LRIG1: variants seen among roughly 807,000 people sequenced by gnomAD.
LRIG1 encodes leucine-rich repeats and immunoglobulin-like domains protein 1.
LRIG1 carries 48 observed loss-of-function variants against 99.2 expected under a neutral mutation model. The ratio of observed to expected loss-of-function variants is 0.48; its 90% confidence interval spans 0.38 to 0.62. LRIG1 has a LOEUF of 0.62. Among genes scored for constraint, LRIG1 ranks in the 20% least tolerant of loss-of-function variants. The pLI, the probability that LRIG1 is intolerant of heterozygous loss-of-function variation, is 0.00. For synonymous variants in LRIG1, 772 were observed against 596.1 expected (o/e 1.29, Z -4.30); for missense variants, 1,646 against 1,434.4 (o/e 1.15, Z -2.38).
intron 3 of LRIG1, among the ~76,000 whole-genome samples, chr3:66,447,423 T>C (rs1703765114): frequency 6.6e-6 from 1 of 152,114 alleles, no homozygotes; most frequent in Non-Finnish European, 1.5e-5. Flanking sequence ...TTTTCAAGAT[T>C]AGAAGTAAAA....
chr3:66,451,740 T>G (rs1159927543), intron 2 of LRIG1, 107 bp from the exon 3 acceptor site: 1 of 766,170 alleles, frequency 1.3e-6, no homozygotes, highest in African/African-American at 1.8e-5. Context: ...ACAGTAAACC[T>G]ATATTCTAAT....
chr3:66,466,389 A>G (rs1048517869), intron 1 of LRIG1, among the ~76,000 whole-genome samples: 1 of 152,226 alleles, frequency 6.6e-6, no homozygotes, highest in African/African-American at 2.4e-5. Context: ...ATGTATGTAT[A>G]TACCACATTT....
intron 1 of LRIG1, among the ~76,000 whole-genome samples, chr3:66,485,208 C>G (rs1456085878): frequency 6.6e-6 from 1 of 151,638 alleles, no homozygotes; most frequent in South Asian, 2.1e-4. Context: ...ATAAATTCCA[C>G]CTTTCTCCTT....
intron 2 of LRIG1, among the ~76,000 whole-genome samples, chr3:66,458,883 T>C (rs1700290174): frequency 1.3e-5 from 2 of 151,016 alleles, no homozygotes; most frequent in Non-Finnish European, 2.9e-5. Context: ...TGGGCACGGT[T>C]GCAGGCACCT....
intron 4 of LRIG1, among the ~76,000 whole-genome samples, chr3:66,415,287 C>T (rs985645352): frequency 6.6e-6 from 1 of 152,070 alleles, no homozygotes; most frequent in African/African-American, 2.4e-5. Flanking sequence ...CCGATTTAGT[C>T]GAAAGCATAC....
intron 3 of LRIG1, among the ~76,000 whole-genome samples, chr3:66,423,534 G>C (rs543091811): frequency 1.3e-5 from 2 of 152,218 alleles, no homozygotes; most frequent in South Asian, 4.1e-4. Flanking sequence ...TCACGCCACC[G>C]CACTCCAGCC....
At chr3:66,429,629 C>T (rs1559795078) in intron 3 of LRIG1, among the ~76,000 whole-genome samples, 1 of 108,238 alleles carries the variant, frequency 9.2e-6, no homozygotes, top group East Asian at 2.0e-4. Flanking sequence ...CTGTATGACA[C>T]TGTAATGGTG....
At chr3:66,416,185 G>A (rs1035764738) in intron 4 of LRIG1, among the ~76,000 whole-genome samples, 1 of 152,180 alleles carries the variant, frequency 6.6e-6, no homozygotes, top group African/African-American at 2.4e-5. Context: ...AAGCAAAGTG[G>A]TGTCACGTGG....
intron 1 of LRIG1, among the ~76,000 whole-genome samples, chr3:66,483,821 G>GC (rs59384954): frequency 0.058 from 8,886 of 152,292 alleles, 774 homozygotes; most frequent in African/African-American, 0.19. Flanking sequence ...CTCGCCAAAC[G>GC]CAACACAGAG....
At chr3:66,383,576 G>A (rs968201298) in intron 14 of LRIG1, among the ~76,000 whole-genome samples, 175 bp from the exon 15 acceptor site, 1 of 152,312 alleles carries the variant, frequency 6.6e-6, no homozygotes, top group East Asian at 1.9e-4. Flanking sequence ...TCATCTCCAT[G>A]CTGGGAGTGG....
At chr3:66,428,801 C>A (rs542304970) in intron 3 of LRIG1, among the ~76,000 whole-genome samples, 1 of 152,246 alleles carries the variant, frequency 6.6e-6, no homozygotes, top group Non-Finnish European at 1.5e-5. Flanking sequence ...TCGTAAGAAA[C>A]AGCCCAGCCT....
At chr3:66,485,234 A>C (rs879744493) in intron 1 of LRIG1, among the ~76,000 whole-genome samples, 10 of 151,752 alleles carry the variant, frequency 6.6e-5, no homozygotes, top group Admixed American at 2.0e-4. Context: ...TTGCTGCTAC[A>C]TTCCTTTTCT....
At chr3:66,498,702 A>C (rs751615797) in intron 1 of LRIG1, among the ~76,000 whole-genome samples, 6 of 152,090 alleles carry the variant, frequency 3.9e-5, no homozygotes, top group Non-Finnish European at 7.4e-5. Flanking sequence ...ACGACCACTG[A>C]TTTTCACTAA....
chr3:66,500,249 G>A lies in LRIG1; in HGVS notation c.159C>T (p.Asp53=), dbSNP rs890991402. 19 of 1,508,364 alleles carry A rather than the reference G, an allele frequency of 1.3e-5. No homozygotes were observed. The African/African-American group carries it at 1.9e-4, about 15-fold the overall frequency. The allele number at this position is 1,508,364 out of a possible 1,614,324, so 93.4% of individuals were successfully genotyped here. A position where few individuals can be genotyped will look rare whatever the true frequency, so the allele number is the denominator to read the frequency against. Residue 53 remains aspartate (D), a synonymous_variant, in exon 1 of 19, where the codon GAC becomes GAT. Transcript: ENST00000273261. ...AACTCAGDSL[D]CGGRGLAALP... Reference sequence around the variant, plus strand: ...ACGCAGCCAGCCCGCGCCCACCGCAGTCCAGCGAGTCCCCAGCGCAAGTGC... The same window carrying A: ...ACGCAGCCAGCCCGCGCCCACCGCAATCCAGCGAGTCCCCAGCGCAAGTGC...
At chr3:66,466,612 A>G (rs910026170) in intron 1 of LRIG1, among the ~76,000 whole-genome samples, 1 of 152,224 alleles carries the variant, frequency 6.6e-6, no homozygotes, top group Non-Finnish European at 1.5e-5. Context: ...GTGAATTCCC[A>G]TCTGAGATCC....
rs1408160982 is a variant in LRIG1, at chr3:66,383,403, T to C, written c.2072-2A>G. On this transcript the variant is annotated splice_acceptor_variant, in intron 14 of 18. Transcript: ENST00000273261. LOFTEE classifies it high-confidence loss of function. ...AGGGGACCACCAAGGATGGGGTCTC[T>C]ACAAGAGAGCAACAGAGATCTTAGT... 1.3e-6 allele frequency: 2 copies of C among 1,541,360 alleles called. No individual in the cohort carries two copies. The highest frequency in any genetic ancestry group is 1.8e-6 in the Non-Finnish European group (2 of 1,139,888).
At chr3:66,451,746 C>G (rs1703910929) in intron 2 of LRIG1, 113 bp from the exon 3 acceptor site, 6 of 733,910 alleles carry the variant, frequency 8.2e-6, no homozygotes, top group South Asian at 7.5e-5. Flanking sequence ...AACCTATATT[C>G]TAATGTTGGA....
intron 3 of LRIG1, among the ~76,000 whole-genome samples, chr3:66,431,669 G>A (rs113520655): frequency 1.1e-3 from 165 of 152,302 alleles, no homozygotes; most frequent in Middle Eastern, 0.01. Context: ...TGTGGTTTCT[G>A]TTCCTCTGAC....
chr3:66,390,910 T>C (rs999646100), intron 12 of LRIG1, among the ~76,000 whole-genome samples: 1 of 152,206 alleles, frequency 6.6e-6, no homozygotes, highest in South Asian at 2.1e-4. Flanking sequence ...TGGCACAACA[T>C]GTATCTTATG....
Sources: gnomAD v4.1 joint callset for allele counts (sites outside exome capture counted in the v4.1 genomes callset) on GRCh38, gnomAD v4.1.1 for gene constraint, MANE v1.5 for transcripts, NCBI Gene and HGNC (gene_info 2026-07-23, HGNC 2026-07-21) for gene names.